Variants in RBM23 observed in about 807,000 individuals in gnomAD.
RBM23 encodes the protein probable RNA-binding protein 23.
RBM23 carries 53 observed loss-of-function variants against 56.2 expected under a neutral mutation model. The ratio of observed to expected loss-of-function variants is 0.94; its 90% CI spans 0.76 to 1.19. The LOEUF is 1.19. Ranked by LOEUF, RBM23 falls within the 50% of genes most tolerant of loss-of-function variation. RBM23 has a pLI of 0.00. For missense variants in RBM23, 642 were observed against 590.3 expected, an observed-to-expected ratio of 1.09 and a Z score of -0.91; for synonymous variants, 197 against 198.5, an observed-to-expected ratio of 0.99 and a Z score of 0.06.
Position 22,901,594 on chromosome 14 carries a change from C to T in RBM23, c.*136G>A. ...GCTTTTCTTGGTATCTTAAGGGTGGCCCCAATTTCCTCAGAGACAATGTCC... is the reference window on the plus strand; with the variant it reads ...GCTTTTCTTGGTATCTTAAGGGTGGTCCCAATTTCCTCAGAGACAATGTCC... On this transcript the variant is annotated 3_prime_UTR_variant, in exon 14 of 14. Coordinates refer to ENST00000359890, the MANE Select transcript of RBM23 (RefSeq NM_001077351.2). 7.6e-7 allele frequency: 1 copy of T among 1,314,766 alleles called. No individual in the cohort carries two copies. Among genetic ancestry groups the T allele is most frequent in the Non-Finnish European group, 1.1e-6 (1 of 930,778 alleles). 81.4% of individuals were successfully genotyped at this position (1,314,766 alleles called of 1,614,324 possible). A position where few individuals can be genotyped will look rare whatever the true frequency, so the allele number is the denominator to read the frequency against.
At chr14:22,912,852 T>C (rs897661279) in intron 1 of RBM23, among the ~76,000 whole-genome samples, 3 of 151,394 alleles carry the variant, frequency 2.0e-5, no homozygotes, top group Non-Finnish European at 4.4e-5. Context: ...ATACAAAAAT[T>C]AGCTGGACGT....
chr14:22,912,984 G>C (rs2042813189), intron 1 of RBM23, among the ~76,000 whole-genome samples: 1 of 97,354 alleles, frequency 1.0e-5, no homozygotes, highest in Admixed American at 1.6e-4. Context: ...TGGAGACAGA[G>C]TGAGATTCAG....
At chr14:22,917,131 G>C (rs2139158739) in intron 1 of RBM23, 2 of 152,204 alleles carry the variant, frequency 1.3e-5, no homozygotes, top group Middle Eastern at 3.4e-3. Flanking sequence ...TCCTCCCAAA[G>C]GGCTGGGATT....
rs778873801 is a variant in RBM23, at chr14:22,904,907, T to C, written c.832A>G (p.Met278Val). Residue 278 changes from methionine to valine, a missense_variant, in exon 9 of 14, where the codon ATG becomes GTG. Met to Val is a conservative substitution (Grantham distance 21). Transcript: ENST00000359890. ...AAGGGCTCAAAGATGCCCCGGAGCA[T>C]GTCTTCAGTGATATTGAAGTGCAGG... The part of the protein sequence containing the change: ...GSLHFNITED[M>V]LRGIFEPFGK... 28 of 1,614,100 alleles carry C rather than the reference T, an allele frequency of 1.7e-5. No homozygotes were observed. Among genetic ancestry groups the C allele is most frequent in the Non-Finnish European group, 2.1e-5 (25 of 1,180,036 alleles).
chr14:22,901,424 C>T lies in RBM23; in HGVS notation c.*306G>A, dbSNP rs2040474349. The T allele has an allele frequency of 5.8e-6, 3 of 518,958 alleles. No individual in the cohort carries two copies. In the South Asian group the frequency reaches 8.2e-5, roughly 14 times the overall value. 32.1% of individuals were successfully genotyped at this position (518,958 alleles called of 1,614,324 possible). A position where few individuals can be genotyped will look rare whatever the true frequency, so the allele number is the denominator to read the frequency against. ...CCCAATGGGGGAGAAATTGAGGAATCACTAAGGTGTTGGAAAGGGCAAGAA... is the reference window on the plus strand; with the variant it reads ...CCCAATGGGGGAGAAATTGAGGAATTACTAAGGTGTTGGAAAGGGCAAGAA... On this transcript the variant is annotated 3_prime_UTR_variant, in exon 14 of 14. Coordinates refer to ENST00000359890, the MANE Select transcript of RBM23 (RefSeq NM_001077351.2).
chr14:22,914,474 A>G (rs930823333), intron 1 of RBM23, among the ~76,000 whole-genome samples: 1 of 152,158 alleles, frequency 6.6e-6, no homozygotes, highest in Admixed American at 6.5e-5. Flanking sequence ...CCTGGATGAC[A>G]CAGCGAGACT....
rs11382593 is a variant in RBM23 at position 22,916,440 on chromosome 14, CTTT to C, written c.-11+2556_-11+2558del. Among the ~76,000 whole-genome samples, 31 of 142,232 alleles carry C rather than the reference CTTT, an allele frequency of 2.2e-4. 1 individual carries two copies. The South Asian group carries it at 6.3e-3, about 29-fold the overall frequency. 93.3% of individuals were successfully genotyped at this position (142,232 alleles called of 152,430 possible). ...CCAGGCTAACTTTTCATATTTTGGG[CTTT>C]TTTTTTTTTTCTGGTAGAGACATGG... On this transcript the variant is annotated intron_variant, in intron 1 of 13. Coordinates refer to ENST00000359890, the MANE Select transcript of RBM23 (RefSeq NM_001077351.2).
At position 22,905,941 on chromosome 14, in the gene RBM23, G is replaced by C. The variant is rs777626085; in HGVS notation, c.401+254C>G. 90 of 594,580 alleles carry C rather than the reference G, an allele frequency of 1.5e-4. No individual in the cohort carries two copies. The Middle Eastern group carries it at 5.4e-3, about 36-fold the overall frequency. The allele number at this position is 594,580 out of a possible 1,614,324, so 36.8% of individuals were successfully genotyped here. On this transcript the variant is annotated intron_variant, in intron 5 of 13. Transcript: ENST00000359890. ...ATTTTTGCATTTTTTGTAGAACCAG[G>C]GTTTCGCCATGTTGTCCTGGCTGGT...
intron 1 of RBM23, among the ~76,000 whole-genome samples, chr14:22,912,998 C>CAAAAAAAAAA (rs58361546): frequency 1.7e-4 from 6 of 35,412 alleles, no homozygotes; most frequent in African/African-American, 4.8e-4. Context: ...GATTCAGTCT[C>CAAAAAAAAAA]AAAAAAAAAA....
rs1168156871 is a variant in RBM23 at position 22,908,337 on chromosome 14, G to A, written c.223C>T (p.Arg75Cys). The A allele has an allele frequency of 9.0e-6, 14 of 1,549,522 alleles. No homozygotes were observed. The highest frequency in any genetic ancestry group is 1.1e-5 in the Non-Finnish European group (13 of 1,146,842). The change falls in exon 4 of 14, where the codon CGC becomes TGC. Residue 75 changes from arginine (R) to cysteine (C), a missense_variant. Arg to Cys is a radical substitution (Grantham distance 180). Transcript: ENST00000359890. ...RSHNKSRDRKRSRSRDRDRYR... is the reference protein window; with the variant it reads ...RSHNKSRDRKCSRSRDRDRYR... ...GCCTGGCCCAGAATTACTGACCTGC[G>A]CTTTCTATCCCTGCTTTTATTATGG... is the stretch of plus-strand genomic sequence containing the variant.
In RBM23 at chr14:22,901,693, C is replaced by A; in HGVS notation, c.*37G>T. The A allele has an allele frequency of 1.2e-6, 2 of 1,607,594 alleles. No homozygotes were observed. The highest frequency in any genetic ancestry group is 1.7e-6 in the Non-Finnish European group (2 of 1,174,108). ...AAGAGTAGATGTGAAGTGGCAGGAT[C>A]CAGAGGCACAAGGAGGCAGTATACT... On this transcript the variant is annotated 3_prime_UTR_variant, in exon 14 of 14. Coordinates refer to ENST00000359890, the MANE Select transcript of RBM23 (RefSeq NM_001077351.2).
Position 22,901,370 on chromosome 14 carries a change from T to C in RBM23, c.*360A>G. The C allele has an allele frequency of 4.3e-6, 1 of 230,662 alleles. No homozygotes were observed. Among genetic ancestry groups the C allele is most frequent in the Non-Finnish European group, 7.3e-6 (1 of 136,230 alleles). The allele number at this position is 230,662 out of a possible 1,614,324, so 14.3% of individuals were successfully genotyped here. A position where few individuals can be genotyped will look rare whatever the true frequency, so the allele number is the denominator to read the frequency against. On this transcript the variant is annotated 3_prime_UTR_variant, in exon 14 of 14. Coordinates refer to ENST00000359890, the MANE Select transcript of RBM23 (RefSeq NM_001077351.2). Reference sequence around the variant, plus strand: ...TAAAGGTACAGGAAAAGGAGAGAGGTCAGTTCCTTCAGTATGCCCTATGGC... The same window carrying C: ...TAAAGGTACAGGAAAAGGAGAGAGGCCAGTTCCTTCAGTATGCCCTATGGC...
chr14:22,912,626 G>A (rs1170358102), intron 1 of RBM23, among the ~76,000 whole-genome samples: 2 of 152,060 alleles, frequency 1.3e-5, no homozygotes, highest in African/African-American at 2.4e-5. Context: ...ATAATTACAC[G>A]GAGTGACAGA....
intron 1 of RBM23, chr14:22,917,570 T>C (rs79103786): frequency 3.3e-5 from 5 of 151,974 alleles, no homozygotes; most frequent in South Asian, 4.2e-4. Flanking sequence ...TTTCTTCTTT[T>C]TTGTTTTTTT....
In RBM23 at chr14:22,899,548, T is replaced by C. The variant is rs767660409; in HGVS notation, c.*2182A>G. The C allele has an allele frequency of 6.6e-6, 1 of 152,274 alleles. No individual in the cohort carries two copies. The highest frequency in any genetic ancestry group is 1.5e-5 in the Non-Finnish European group (1 of 68,094). The allele number at this position is 152,274 out of a possible 1,614,324, so 9.4% of individuals were successfully genotyped here. ...GGCACCCACCACCATGCCCAGCTACTTTTTGTATTTCTAGTAGAGACAGAG... is the reference window on the plus strand; with the variant it reads ...GGCACCCACCACCATGCCCAGCTACCTTTTGTATTTCTAGTAGAGACAGAG... On this transcript the variant is annotated 3_prime_UTR_variant, in exon 14 of 14. Coordinates refer to ENST00000359890, the MANE Select transcript of RBM23 (RefSeq NM_001077351.2).
At chr14:22,914,794 C>T (rs35322799) in intron 1 of RBM23, among the ~76,000 whole-genome samples, 9,850 of 151,934 alleles carry the variant, frequency 0.065, 446 homozygotes, top group Non-Finnish European at 0.093. Flanking sequence ...ACCAGCCTGA[C>T]GGATATGGTG....
chr14:22,906,462 G>T, intron 4 of RBM23, 94 bp from the exon 5 acceptor site: 1 of 1,428,926 alleles, frequency 7.0e-7, no homozygotes, highest in Non-Finnish European at 9.6e-7. Context: ...TTATAACGGT[G>T]CTGAGAAGTT....
Position 22,899,124 on chromosome 14 carries a change from C to T in RBM23, c.*2606G>A, listed in dbSNP as rs1362253392. The T allele has an allele frequency of 1.3e-5, 2 of 152,204 alleles. No individual in the cohort carries two copies. The highest frequency in any genetic ancestry group is 2.9e-5 in the Non-Finnish European group (2 of 68,034). 9.4% of individuals were successfully genotyped at this position (152,204 alleles called of 1,614,324 possible). A position where few individuals can be genotyped will look rare whatever the true frequency, so the allele number is the denominator to read the frequency against. ...CCAAAAGTTCACATTGGAAATTTGACTCCCAATGCAACAGTGTTGAAGATG... is the reference window on the plus strand; with the variant it reads ...CCAAAAGTTCACATTGGAAATTTGATTCCCAATGCAACAGTGTTGAAGATG... On this transcript the variant is annotated 3_prime_UTR_variant, in exon 14 of 14. Coordinates refer to ENST00000359890, the MANE Select transcript of RBM23 (RefSeq NM_001077351.2).
At chr14:22,917,034 AATGTTGT>A (rs2043645260) in intron 1 of RBM23, 2 of 151,890 alleles carry the variant, frequency 1.3e-5, no homozygotes, top group South Asian at 4.2e-4. Flanking sequence ...ACACCTGGCT[AATGTTGT>A]ATTTTTAGCA....
Sources: gnomAD v4.1 joint callset for allele counts (sites outside exome capture counted in the v4.1 genomes callset) on GRCh38, gnomAD v4.1.1 for gene constraint, MANE v1.5 for transcripts, NCBI Gene and HGNC (gene_info 2026-07-23, HGNC 2026-07-21) for gene names.